Variants in CDC14A observed in about 807,000 individuals in gnomAD.
CDC14A encodes cell division cycle 14A.
CDC14A carries 53 observed loss-of-function variants against 74.4 expected under a neutral mutation model. That is an observed-to-expected ratio of 0.71 (90% CI 0.57 to 0.89). CDC14A has a LOEUF of 0.89. CDC14A is among the 40% of genes least tolerant of loss of function. The pLI, the probability that CDC14A is intolerant of heterozygous loss-of-function variation, is 0.00. For synonymous variants in CDC14A, 247 were observed against 258.4 expected (o/e 0.96, Z 0.43); for missense variants, 646 against 713.7 (o/e 0.91, Z 1.08).
intron 2 of CDC14A, among the ~76,000 whole-genome samples, chr1:100,370,996 G>C (rs1189045593): frequency 6.6e-6 from 1 of 152,072 alleles, no homozygotes; most frequent in African/African-American, 2.4e-5. Context: ...GTGTTTTGTA[G>C]TTCTCCTTGT....
intron 5 of CDC14A, among the ~76,000 whole-genome samples, chr1:100,438,728 G>A (rs1007199248): frequency 6.6e-6 from 1 of 152,218 alleles, no homozygotes; most frequent in Non-Finnish European, 1.5e-5. Context: ...CTTTCGGGAT[G>A]CTGAAACTCA....
chr1:100,504,021 AT>A (rs1189505869), intron 15 of CDC14A, among the ~76,000 whole-genome samples: 1 of 152,106 alleles, frequency 6.6e-6, no homozygotes, highest in Non-Finnish European at 1.5e-5. Context: ...TTCACTCAGA[AT>A]TTGCATAATC....
intron 4 of CDC14A, among the ~76,000 whole-genome samples, chr1:100,420,043 C>T (rs762821006): frequency 2.6e-3 from 27 of 10,554 alleles, no homozygotes; most frequent in African/African-American, 0.026. Flanking sequence ...CACACACACA[C>T]ACACACACAC....
At chr1:100,405,175 C>A (rs960205558) in intron 4 of CDC14A, among the ~76,000 whole-genome samples, 4 of 152,128 alleles carry the variant, frequency 2.6e-5, no homozygotes, top group African/African-American at 4.8e-5. Flanking sequence ...TCTGCCTACC[C>A]CTCACTCTCT....
intron 12 of CDC14A, 24 bp downstream of exon 12, chr1:100,494,954 A>G (rs759409549): frequency 8.4e-7 from 1 of 1,185,136 alleles, no homozygotes; most frequent in Non-Finnish European, 1.3e-6. Flanking sequence ...AAACACTTCA[A>G]TTTATAGTGT....
intron 7 of CDC14A, among the ~76,000 whole-genome samples, chr1:100,448,121 A>G (rs551847688): frequency 1.3e-5 from 2 of 152,312 alleles, no homozygotes; most frequent in Non-Finnish European, 2.9e-5. Flanking sequence ...ACTGTGGCTT[A>G]CATTTATTAC....
At chr1:100,447,678 A>T (rs113606746) in intron 7 of CDC14A, among the ~76,000 whole-genome samples, 1 of 152,212 alleles carries the variant, frequency 6.6e-6, no homozygotes, top group African/African-American at 2.4e-5. Context: ...TGAACATTCA[A>T]TTAAATTAGG....
chr1:100,457,643 T>TAA (rs1553188363), intron 8 of CDC14A, among the ~76,000 whole-genome samples: 14 of 147,860 alleles, frequency 9.5e-5, no homozygotes, highest in East Asian at 2.0e-4. Context: ...TTTTTTTTTT[T>TAA]AATTTTTAGT....
intron 1 of CDC14A, among the ~76,000 whole-genome samples, chr1:100,345,807 C>G (rs2100855763): frequency 6.6e-6 from 1 of 152,330 alleles, no homozygotes; most frequent in East Asian, 1.9e-4. Context: ...CTATTAACTA[C>G]TATTATTTTC....
At chr1:100,422,060 A>G (rs479269) in intron 4 of CDC14A, among the ~76,000 whole-genome samples, 104,834 of 152,100 alleles carry the variant, frequency 0.69, 37,827 homozygotes, top group African/African-American at 0.92. Flanking sequence ...AGATGCCCCA[A>G]GAATCTTCCT....
chr1:100,450,327 T>A (rs190787296), intron 7 of CDC14A, among the ~76,000 whole-genome samples: 3 of 152,336 alleles, frequency 2.0e-5, no homozygotes, highest in African/African-American at 7.2e-5. Context: ...TTCAAGACTT[T>A]GTTTGGATTA....
At position 100,455,418 on chromosome 1, in the gene CDC14A, G is replaced by A; in HGVS notation, c.533G>A (p.Gly178Asp). 6.2e-7 allele frequency: 1 copy of A among 1,601,192 alleles called. No homozygotes were observed. The highest frequency in any genetic ancestry group is 8.5e-7 in the Non-Finnish European group (1 of 1,175,076). Reference protein sequence around the residue: ...EYEHYERVENGDFNWIVPGKF... With the variant: ...EYEHYERVENDDFNWIVPGKF... ...AAATTCTGCCAGCGAGTTGAAAATG[G>A]TGACTTCAACTGGATTGTTCCAGGA... The change falls in exon 8 of 16, where the codon GGT (glycine) becomes GAT (aspartate). Residue 178 changes from glycine to aspartate, a missense_variant. Gly to Asp is a moderately conservative substitution (Grantham distance 94). Coordinates refer to ENST00000336454, the MANE Select transcript of CDC14A (RefSeq NM_003672.4).
At chr1:100,348,635 A>T (rs1387005251), upstream of CDC14A, among the ~76,000 whole-genome samples, 1 of 152,256 alleles carries the variant, frequency 6.6e-6, no homozygotes, top group Non-Finnish European at 1.5e-5. Flanking sequence ...AAGACAATGT[A>T]GAAGAAAATG....
intron 11 of CDC14A, among the ~76,000 whole-genome samples, chr1:100,487,290 G>A (rs903153445): frequency 1.3e-5 from 2 of 152,198 alleles, no homozygotes; most frequent in Non-Finnish European, 2.9e-5. Flanking sequence ...CGGGCATGGT[G>A]GCTTACGCCT....
chr1:100,353,128 C>A, intron 1 of CDC14A, 125 bp downstream of exon 1: 2 of 994,040 alleles, frequency 2.0e-6, no homozygotes, highest in African/African-American at 1.6e-5. Flanking sequence ...CGCTCTCGTC[C>A]CCTCTAGGGA....
intron 15 of CDC14A, chr1:100,499,509 T>C: frequency 1.6e-6 from 2 of 1,269,102 alleles, no homozygotes; most frequent in South Asian, 3.6e-5. Context: ...AACTCCTTTT[T>C]AAGTAGTTTC....
intron 4 of CDC14A, chr1:100,393,960 AAAAT>A: frequency 4.5e-6 from 1 of 223,856 alleles, no homozygotes; most frequent in Non-Finnish European, 8.7e-6. Flanking sequence ...ACCGCAAAAA[AAAAT>A]ATATATATAT....
chr1:100,422,502 C>T (rs1645426657), intron 4 of CDC14A, among the ~76,000 whole-genome samples: 1 of 152,140 alleles, frequency 6.6e-6, no homozygotes, highest in Non-Finnish European at 1.5e-5. Flanking sequence ...ATAACCTACC[C>T]CTTAGGGTAC....
In CDC14A at chr1:100,440,010, TCTC is replaced by T. The variant is rs1177212811; in HGVS notation, c.456+15_456+17del. 4.4e-6 allele frequency: 7 copies of T among 1,599,154 alleles called. No individual in the cohort carries two copies. The highest frequency in any genetic ancestry group is 4.5e-5 in the East Asian group (2 of 44,762). On this transcript the variant is annotated intron_variant, in intron 6 of 15. Coordinates refer to ENST00000336454, the MANE Select transcript of CDC14A (RefSeq NM_003672.4). ...AGGGAATCAGAAAGGTAATAACAAT[TCTC>T]CTTGCTGTAGTTGACACAGTAGTTT...
Sources: allele counts gnomAD v4.1 joint callset (sites outside exome capture counted in the v4.1 genomes callset), GRCh38; gene constraint gnomAD v4.1.1; transcripts MANE v1.5; gene names NCBI Gene and HGNC (gene_info 2026-07-23, HGNC 2026-07-21).